The following STRIP1 variants were observed in gnomAD, a reference collection of about 807,000 sequenced individuals.
The protein encoded by STRIP1 is striatin-interacting protein 1.
STRIP1 carries 63 observed loss-of-function variants against 106.2 expected under a neutral mutation model. The ratio of observed to expected loss-of-function variants is 0.59; its 90% CI spans 0.48 to 0.73. The LOEUF (loss-of-function observed/expected upper bound fraction) is 0.73, where lower values mean the gene tolerates loss of function less well. Ranked by LOEUF, STRIP1 falls within the 30% of genes least tolerant of loss-of-function variation. The pLI is 0.00. For missense variants in STRIP1, 857 were observed against 1,074.8 expected (o/e 0.80, Z 2.83); for synonymous variants, 390 against 413.0 (o/e 0.94, Z 0.67).
chr1:110,034,664 C>A lies in STRIP1; in HGVS notation c.27C>A (p.Gly9=). The change falls in exon 1 of 21, where the codon GGC becomes GGA. Residue 9 remains glycine (G), a synonymous_variant. Coordinates refer to ENST00000369795, the MANE Select transcript of STRIP1 (RefSeq NM_033088.4). MEPAVGGP[G]PLIVNNKQPQ... ...TGGAGCCGGCAGTCGGCGGTCCGGG[C>A]CCACTGATCGTGAACAACAAACAGC... is the stretch of plus-strand genomic sequence containing the variant. 1 of 1,523,374 alleles carries A rather than the reference C, an allele frequency of 6.6e-7. No individual in the cohort carries two copies. The highest frequency in any genetic ancestry group is 8.8e-7 in the Non-Finnish European group (1 of 1,136,402). 94.4% of individuals were successfully genotyped at this position (1,523,374 alleles called of 1,614,324 possible).
chr1:110,044,733 T>G (rs997419278), intron 10 of STRIP1, 107 bp from the exon 11 acceptor site: 16 of 1,058,128 alleles, frequency 1.5e-5, no homozygotes, highest in Non-Finnish European at 1.7e-5. Flanking sequence ...AGGAGACTTC[T>G]CCTGGCTTCA....
In STRIP1 at chr1:110,039,419, A is replaced by G. The variant is rs748659308; in HGVS notation, c.485A>G (p.Glu162Gly). ...GGCACGTTTGGGGAGTGCAGCTCGG[A>G]GGCAGAGGTGCAGTCCTGGATGCGC... is the stretch of plus-strand genomic sequence containing the variant. ...AQGTFGECSSEAEVQSWMRYN... is the reference protein window; with the variant it reads ...AQGTFGECSSGAEVQSWMRYN... The change falls in exon 5 of 21, where the codon GAG becomes GGG. Residue 162 changes from glutamate to glycine, a missense_variant. Around this residue, in one of 2 missense-constraint regions of STRIP1, gnomAD observed 750 missense variants for 989.8 expected, o/e 0.76. Transcript: ENST00000369795. 2 of 1,614,066 alleles carry G rather than the reference A, an allele frequency of 1.2e-6. No homozygotes were observed. Among genetic ancestry groups the G allele is most frequent in the Non-Finnish European group, 1.7e-6 (2 of 1,179,978 alleles).
At chr1:110,049,286 A>G in intron 16 of STRIP1, 48 bp downstream of exon 16, 1 of 1,612,700 alleles carries the variant, frequency 6.2e-7, no homozygotes, top group South Asian at 1.1e-5. Flanking sequence ...GGCCTCGGGC[A>G]CTGCTGCTCC....
At chr1:110,049,694 A>C in intron 17 of STRIP1, 134 bp downstream of exon 17, 3 of 635,744 alleles carry the variant, frequency 4.7e-6, no homozygotes, top group Non-Finnish European at 8.2e-6. Flanking sequence ...ATAAAGATAA[A>C]TGAGACATGG....
chr1:110,050,783 C>T (rs1557796411), intron 18 of STRIP1, among the ~76,000 whole-genome samples, 173 bp from the exon 19 acceptor site: 2 of 152,188 alleles, frequency 1.3e-5, no homozygotes, highest in Non-Finnish European at 2.9e-5. Context: ...CTCCCTCTTC[C>T]CCTAGTCCCC....
intron 20 of STRIP1, 134 bp from the exon 21 acceptor site, chr1:110,053,531 T>G: frequency 7.8e-7 from 1 of 1,279,938 alleles, no homozygotes; most frequent in Non-Finnish European, 1.1e-6. Context: ...AGGAAGGAAT[T>G]CCTGGCATCT....
upstream of STRIP1, among the ~76,000 whole-genome samples, chr1:110,031,932 C>T (rs1304951132): frequency 6.8e-6 from 1 of 147,336 alleles, no homozygotes; most frequent in Non-Finnish European, 1.5e-5. Context: ...TAGGGTCTCG[C>T]TCTGTTGCCC....
chr1:110,036,741 C>T (rs114993903), intron 1 of STRIP1, among the ~76,000 whole-genome samples: 1,561 of 152,230 alleles, frequency 0.01, 32 homozygotes, highest in African/African-American at 0.036. Flanking sequence ...ATGAAGAAAC[C>T]GAAGCTCAGT....
intron 17 of STRIP1, chr1:110,049,810 T>C: frequency 2.1e-6 from 1 of 469,720 alleles, no homozygotes. Context: ...CAGGATCTAG[T>C]ACTTTCCTCC....
Position 110,045,042 on chromosome 1 carries a change from C to T in STRIP1, c.1380C>T (p.Pro460=), listed in dbSNP as rs1652951723. 6.2e-6 allele frequency: 10 copies of T among 1,614,068 alleles called. No homozygotes were observed. Among genetic ancestry groups the T allele is most frequent in the African/African-American group, 1.3e-5 (1 of 75,012 alleles). The part of the protein sequence containing the change: ...GSDTNTVVGL[P]RPIHESIKTL... ...ACACGAACACAGTGGTGGGGCTGCC[C>T]AGGCCAATCCACGAAAGCATCAAGA... Residue 460 remains proline (P), a synonymous_variant, in exon 12 of 21, where the codon CCC becomes CCT. Transcript: ENST00000369795.
chr1:110,043,092 C>T lies in STRIP1; in HGVS notation c.890C>T (p.Thr297Met), dbSNP rs1186518003. ...GCTTCCCTGTCTGTGATGCAGTGCA[C>T]GCTAGGCGGCTTTGAGGAGCTGCAG... is the stretch of plus-strand genomic sequence containing the variant. ...LLLLWKTVLC[T>M]LGGFEELQSM... Residue 297 changes from threonine (T) to methionine (M), a missense_variant, in exon 9 of 21, where the codon ACG becomes ATG. By Grantham distance (81) the Thr-to-Met change is moderately conservative. This residue lies in a region of STRIP1 where 750 missense variants were observed against 989.8 expected (regional missense o/e 0.76). Coordinates refer to ENST00000369795, the MANE Select transcript of STRIP1 (RefSeq NM_033088.4). The T allele has an allele frequency of 7.5e-6, 12 of 1,610,534 alleles. No homozygotes were observed. In the East Asian group the frequency reaches 8.9e-5, roughly 12 times the overall value.
chr1:110,038,334 G>A, intron 2 of STRIP1: 1 of 228,034 alleles, frequency 4.4e-6, no homozygotes, highest in Non-Finnish European at 8.7e-6. Context: ...CATGTAATGC[G>A]AGGTCGGTGT....
intron 12 of STRIP1, among the ~76,000 whole-genome samples, chr1:110,046,248 C>G (rs1009322678): frequency 2.6e-5 from 4 of 152,128 alleles, no homozygotes; most frequent in African/African-American, 9.7e-5. Flanking sequence ...GCCTATAATC[C>G]CAGCACTTTG....
chr1:110,047,674 C>T (rs985356850), intron 14 of STRIP1, 58 bp downstream of exon 14: 5 of 1,555,750 alleles, frequency 3.2e-6, no homozygotes, highest in East Asian at 2.3e-5. Flanking sequence ...CAGGCCCTGC[C>T]GTCCTCCTGC....
chr1:110,036,298 CA>C (rs1652449320), intron 1 of STRIP1, among the ~76,000 whole-genome samples: 1 of 152,098 alleles, frequency 6.6e-6, no homozygotes, highest in Non-Finnish European at 1.5e-5. Flanking sequence ...ACTAAAAATA[CA>C]AAAATTAGCC....
chr1:110,046,445 A>C (rs2101779025), intron 12 of STRIP1, among the ~76,000 whole-genome samples: 1 of 152,300 alleles, frequency 6.6e-6, no homozygotes, highest in Non-Finnish European at 1.5e-5. Flanking sequence ...GGTGGCAGTG[A>C]GCCAAGATCA....
At chr1:110,051,965 C>T in intron 20 of STRIP1, 78 bp downstream of exon 20, 1 of 1,456,414 alleles carries the variant, frequency 6.9e-7, no homozygotes, top group Non-Finnish European at 9.5e-7. Context: ...GCCCGTGGTA[C>T]TCAGGTACTT....
intron 19 of STRIP1, among the ~76,000 whole-genome samples, 160 bp downstream of exon 19, chr1:110,051,220 A>G (rs1463901947): frequency 6.6e-6 from 1 of 152,224 alleles, no homozygotes; most frequent in Non-Finnish European, 1.5e-5. Context: ...TCCTTGATGA[A>G]TTGAACTGGA....
At chr1:110,051,364 C>CT (rs1653292813) in intron 19 of STRIP1, among the ~76,000 whole-genome samples, 1 of 152,296 alleles carries the variant, frequency 6.6e-6, no homozygotes, top group East Asian at 1.9e-4. Context: ...CTGTGGATGC[C>CT]TTTGGGGTGG....
Sources: allele counts gnomAD v4.1 joint callset (sites outside exome capture counted in the v4.1 genomes callset), GRCh38; gene constraint gnomAD v4.1.1; regional missense constraint gnomAD v4.1.1; transcripts MANE v1.5; gene names NCBI Gene and HGNC (gene_info 2026-07-23, HGNC 2026-07-21).